ERC2: variants seen among roughly 807,000 people sequenced by gnomAD.
ERC2 encodes the protein ELKS/RAB6-interacting/CAST family member 2.
ERC2 carries 42 observed loss-of-function variants against 114.8 expected under a neutral mutation model. The ratio of observed to expected loss-of-function variants is 0.37; its 90% confidence interval spans 0.29 to 0.47. ERC2 has a LOEUF of 0.47. Ranked by LOEUF, ERC2 falls within the 20% of genes least tolerant of loss-of-function variation. The pLI, the probability that ERC2 is intolerant of heterozygous loss-of-function variation, is 0.99. For synonymous variants in ERC2, 454 were observed against 425.5 expected, an observed-to-expected ratio of 1.07 and a Z score of -0.82; for missense variants, 939 against 1,150.7, an observed-to-expected ratio of 0.82 and a Z score of 2.66.
Position 55,863,897 on chromosome 3 carries a change from A to G in ERC2, c.2564+24492T>C, listed in dbSNP as rs568021926. Among the ~76,000 whole-genome samples the G allele has an allele frequency of 9.9e-5, 15 of 151,724 alleles. 1 individual carries two copies. The highest frequency in any genetic ancestry group is 4.2e-4 in the South Asian group (2 of 4,802). ...GTACTAGCCGTATCTCAAAATCTCA[A>G]TAGCCACATATGGCTCATGGCTACA... is the stretch of plus-strand genomic sequence containing the variant. On this transcript the variant is annotated intron_variant, in intron 14 of 17. Coordinates refer to ENST00000288221, the MANE Select transcript of ERC2 (RefSeq NM_015576.3).
At chr3:56,466,267 G>A (rs1001689915) in intron 1 of ERC2, among the ~76,000 whole-genome samples, 5 of 152,288 alleles carry the variant, frequency 3.3e-5, no homozygotes, top group African/African-American at 1.2e-4. Flanking sequence ...GTTTATGAAA[G>A]GCTTAATTCA....
intron 14 of ERC2, among the ~76,000 whole-genome samples, chr3:55,742,891 T>C (rs1001243264): frequency 4.6e-5 from 7 of 152,178 alleles, no homozygotes; most frequent in African/African-American, 1.7e-4. Context: ...AGCAGAATGA[T>C]GTATGATATA....
At chr3:56,114,721 G>A (rs1021883480) in intron 6 of ERC2, among the ~76,000 whole-genome samples, 6 of 152,192 alleles carry the variant, frequency 3.9e-5, no homozygotes, top group African/African-American at 1.4e-4. Context: ...TGAGAAAATT[G>A]TAACAGTGAA....
chr3:56,311,255 C>CTCTCTCTATATATA (rs1314796268), intron 2 of ERC2, among the ~76,000 whole-genome samples: 2 of 79,062 alleles, frequency 2.5e-5, no homozygotes, highest in African/African-American at 1.1e-4. Flanking sequence ...CTCTCTCTCT[C>CTCTCTCTATATATA]TATATATATA....
At chr3:55,619,157 C>T (rs748735801) in intron 17 of ERC2, among the ~76,000 whole-genome samples, 4 of 152,194 alleles carry the variant, frequency 2.6e-5, no homozygotes, top group South Asian at 2.1e-4. Flanking sequence ...TTCTTAAGTA[C>T]GGCACTTGCC....
intron 14 of ERC2, among the ~76,000 whole-genome samples, chr3:55,848,387 C>T (rs567301963): frequency 1.3e-5 from 2 of 152,152 alleles, no homozygotes; most frequent in African/African-American, 4.8e-5. Flanking sequence ...ATCGCCTAAG[C>T]CTCTTAACTT....
intron 2 of ERC2, among the ~76,000 whole-genome samples, chr3:56,409,893 G>C (rs537520831): frequency 3.9e-5 from 6 of 152,256 alleles, no homozygotes; most frequent in African/African-American, 1.4e-4. Flanking sequence ...ATCTCATGTA[G>C]TCTTCACTAG....
At chr3:55,585,818 A>G (rs1444052884) in intron 17 of ERC2, among the ~76,000 whole-genome samples, 3 of 152,218 alleles carry the variant, frequency 2.0e-5, no homozygotes, top group African/African-American at 7.2e-5. Context: ...GTGACCTAGA[A>G]AAAGCTGCAG....
rs79300420 is a variant in ERC2, at chr3:56,061,638, C to A, written c.1641+19179G>T. Among the ~76,000 whole-genome samples, 637 of 152,224 alleles carry A rather than the reference C, an allele frequency of 4.2e-3. 6 individuals carry two copies. The highest frequency in any genetic ancestry group is 0.015 in the African/African-American group (604 of 41,552). On this transcript the variant is annotated intron_variant, in intron 7 of 17. Transcript: ENST00000288221. The stretch of plus-strand genomic sequence containing the variant: ...ATATAAACCACACAGAAACATACAA[C>A]AAATGTTTGGACTATGAATGGAAAT...
chr3:55,776,284 C>T (rs1361481608), intron 14 of ERC2, among the ~76,000 whole-genome samples: 1 of 151,938 alleles, frequency 6.6e-6, no homozygotes, highest in Non-Finnish European at 1.5e-5. Context: ...TGTCTGCACA[C>T]CATGGAGAGA....
chr3:55,611,105 A>G (rs1190593780), intron 17 of ERC2, among the ~76,000 whole-genome samples: 1 of 152,254 alleles, frequency 6.6e-6, no homozygotes, highest in Non-Finnish European at 1.5e-5. Flanking sequence ...GGGAGAAGTC[A>G]TTTAAAATAA....
At chr3:56,139,383 T>C (rs919659162) in intron 6 of ERC2, 126 bp downstream of exon 6, 1 of 896,262 alleles carries the variant, frequency 1.1e-6, no homozygotes, top group Non-Finnish European at 1.7e-6. Flanking sequence ...CCAACAAATA[T>C]GAATTTCAAA....
At chr3:56,224,331 G>A (rs2050113950) in intron 3 of ERC2, among the ~76,000 whole-genome samples, 1 of 152,112 alleles carries the variant, frequency 6.6e-6, no homozygotes. Context: ...ATTATTCAGG[G>A]CACACACAAA....
chr3:55,743,792 T>C (rs912264514), intron 14 of ERC2, among the ~76,000 whole-genome samples: 26 of 152,050 alleles, frequency 1.7e-4, no homozygotes, highest in Admixed American at 7.2e-4. Context: ...AGGGATAACC[T>C]TTTGACTGTG....
intron 10 of ERC2, among the ~76,000 whole-genome samples, chr3:55,995,156 C>T (rs1056930558): frequency 6.6e-6 from 1 of 152,072 alleles, no homozygotes; most frequent in African/African-American, 2.4e-5. Flanking sequence ...AATATGGTAA[C>T]ACCCCATCTC....
At chr3:56,448,134 T>A (rs1472422275) in intron 1 of ERC2, among the ~76,000 whole-genome samples, 6 of 152,170 alleles carry the variant, frequency 3.9e-5, no homozygotes, top group African/African-American at 1.4e-4. Flanking sequence ...AAAGCCTCTC[T>A]CATGTCCAGT....
chr3:56,298,816 A>G (rs1484899397), intron 2 of ERC2, among the ~76,000 whole-genome samples: 1 of 152,188 alleles, frequency 6.6e-6, no homozygotes, highest in Non-Finnish European at 1.5e-5. Flanking sequence ...ACTAAAACCA[A>G]CGAATTTCAC....
At chr3:55,579,028 T>C (rs1197383698) in intron 17 of ERC2, among the ~76,000 whole-genome samples, 2 of 152,070 alleles carry the variant, frequency 1.3e-5, no homozygotes, top group Non-Finnish European at 2.9e-5. Flanking sequence ...TCTACTACAT[T>C]CTGTTGGTCA....
intron 14 of ERC2, among the ~76,000 whole-genome samples, chr3:55,813,738 G>A (rs79047957): frequency 0.027 from 4,154 of 152,242 alleles, 196 homozygotes; most frequent in African/African-American, 0.095. Context: ...AGTTACACAA[G>A]AGAAAATAAA....
Sources: allele counts gnomAD v4.1 joint callset (sites outside exome capture counted in the v4.1 genomes callset), GRCh38; gene constraint gnomAD v4.1.1; transcripts MANE v1.5; gene names NCBI Gene and HGNC (gene_info 2026-07-23, HGNC 2026-07-21).